Variants in CECR2 observed in about 807,000 individuals in gnomAD.
The protein encoded by CECR2 is CECR2 histone acetyl-lysine reader.
Under a neutral mutation model 154.5 loss-of-function variants are expected in CECR2, and 30 were observed. The observed-to-expected ratio is 0.19, with a 90% CI of 0.15 to 0.26. The LOEUF (loss-of-function observed/expected upper bound fraction) is 0.26, where lower values mean the gene tolerates loss of function less well. Ranked by LOEUF, CECR2 falls within the 10% of genes least tolerant of loss-of-function variation. The pLI is 1.00. For missense variants in CECR2, 1,743 were observed against 1,829.3 expected (o/e 0.95, Z 0.86); for synonymous variants, 725 against 683.7 (o/e 1.06, Z -0.94).
intron 2 of CECR2, among the ~76,000 whole-genome samples, chr22:17,488,638 T>C (rs2055468222): frequency 6.6e-6 from 1 of 152,196 alleles, no homozygotes; most frequent in Admixed American, 6.5e-5. Context: ...CAGTGGTTTA[T>C]TCCTTTGAGG....
At chr22:17,453,127 G>A (rs891516675) in intron 1 of CECR2, among the ~76,000 whole-genome samples, 4 of 152,174 alleles carry the variant, frequency 2.6e-5, no homozygotes, top group African/African-American at 9.7e-5. Flanking sequence ...TGTATATTTA[G>A]GTCTTTTCGT....
chr22:17,377,847 T>C (rs963455151), intron 1 of CECR2, among the ~76,000 whole-genome samples: 2 of 152,226 alleles, frequency 1.3e-5, no homozygotes, highest in African/African-American at 4.8e-5. Context: ...AAGGAATGAA[T>C]GATTGGAAAG....
chr22:17,549,243 A>T lies in CECR2; in HGVS notation c.3956A>T (p.Tyr1319Phe), dbSNP rs749594416. Residue 1319 changes from tyrosine to phenylalanine, a missense_variant, in exon 17 of 19, where the codon TAT (tyrosine) becomes TTT (phenylalanine). By Grantham distance (22) the Tyr-to-Phe change is conservative. Transcript: ENST00000262608. The stretch of plus-strand genomic sequence containing the variant: ...TCGTTGTCAGCCAGCGAGTATCTCT[A>T]TGGAACTCCTCCGCCTCTGAGTTCA... ...QSSLSASEYL[Y>F]GTPPPLSSGM... 1 of 1,614,008 alleles carries T rather than the reference A, an allele frequency of 6.2e-7. No individual in the cohort carries two copies. Among genetic ancestry groups the T allele is most frequent in the East Asian group, 2.2e-5 (1 of 44,884 alleles).
intron 1 of CECR2, among the ~76,000 whole-genome samples, chr22:17,421,913 TCTC>T (rs901928186): frequency 8.0e-5 from 12 of 149,976 alleles, no homozygotes; most frequent in Non-Finnish European, 1.3e-4. Context: ...GGTCTACACA[TCTC>T]CTCAATTGTT....
At chr22:17,543,490 C>T (rs376138773) in intron 16 of CECR2, among the ~76,000 whole-genome samples, 2 of 151,922 alleles carry the variant, frequency 1.3e-5, no homozygotes, top group East Asian at 1.9e-4. Flanking sequence ...TCTCTTGGTC[C>T]GTCGATCCCA....
At position 17,465,242 on chromosome 22, in the gene CECR2, C is replaced by T. The variant is rs1043861002; in HGVS notation, c.127-12346C>T. Among the ~76,000 whole-genome samples, 6 of 152,058 alleles carry T rather than the reference C, an allele frequency of 3.9e-5. No homozygotes were observed. In the East Asian group the frequency reaches 7.8e-4, roughly 20 times the overall value. ...TGATCTCCTGACCTCGTGATCCGCCCGCCTCGGCCTCCCAAAGTGCCGGGA... is the reference window on the plus strand; with the variant it reads ...TGATCTCCTGACCTCGTGATCCGCCTGCCTCGGCCTCCCAAAGTGCCGGGA... On this transcript the variant is annotated intron_variant, in intron 1 of 18. Coordinates refer to ENST00000262608, the MANE Select transcript of CECR2 (RefSeq NM_001290047.2).
At chr22:17,482,895 A>C (rs1381270748) in intron 2 of CECR2, among the ~76,000 whole-genome samples, 1 of 151,610 alleles carries the variant, frequency 6.6e-6, no homozygotes, top group African/African-American at 2.4e-5. Context: ...ATTAGCCAGG[A>C]TGGTCTCGAT....
At chr22:17,361,545 G>A (rs1165865732) in intron 1 of CECR2, among the ~76,000 whole-genome samples, 1 of 151,554 alleles carries the variant, frequency 6.6e-6, no homozygotes, top group Non-Finnish European at 1.5e-5. Context: ...GTAATAGCAA[G>A]GGTGTTGACA....
intron 4 of CECR2, 124 bp downstream of exon 4, chr22:17,499,673 A>G (rs1450375989): frequency 2.1e-6 from 2 of 941,254 alleles, no homozygotes; most frequent in African/African-American, 3.4e-5. Context: ...CATGCCTGCA[A>G]AGAGATGGTA....
intron 1 of CECR2, among the ~76,000 whole-genome samples, chr22:17,427,219 T>C (rs942883513): frequency 3.3e-5 from 5 of 152,202 alleles, no homozygotes; most frequent in Middle Eastern, 3.2e-3. Context: ...TGCATATTAT[T>C]CCATAGTGTA....
intron 1 of CECR2, among the ~76,000 whole-genome samples, chr22:17,375,294 A>T (rs953227217): frequency 6.6e-6 from 1 of 151,694 alleles, no homozygotes; most frequent in African/African-American, 2.4e-5. Flanking sequence ...TTGTGTTTTT[A>T]GTACAGACGG....
At chr22:17,459,145 A>AT (rs1299781900) in intron 1 of CECR2, among the ~76,000 whole-genome samples, 1 of 152,222 alleles carries the variant, frequency 6.6e-6, no homozygotes, top group Non-Finnish European at 1.5e-5. Flanking sequence ...CAAAGGATTG[A>AT]TTTTAGTTGT....
intron 1 of CECR2, among the ~76,000 whole-genome samples, chr22:17,434,644 A>C (rs1181497860): frequency 1.0e-4 from 12 of 118,218 alleles, no homozygotes; most frequent in South Asian, 6.3e-4. Context: ...TTATGCCCGC[A>C]CCCCCCCTGC....
chr22:17,405,026 A>G (rs1343294289), intron 1 of CECR2, among the ~76,000 whole-genome samples: 1 of 152,144 alleles, frequency 6.6e-6, no homozygotes, highest in Non-Finnish European at 1.5e-5. Flanking sequence ...GAAAAGTTTT[A>G]TATTCAAATT....
chr22:17,366,019 G>T (rs1431765010), upstream of CECR2, among the ~76,000 whole-genome samples: 3 of 152,122 alleles, frequency 2.0e-5, no homozygotes, highest in Non-Finnish European at 4.4e-5. Flanking sequence ...GAATTATTGT[G>T]GGATTTTTAA....
At chr22:17,453,629 C>G (rs1170344882) in intron 1 of CECR2, among the ~76,000 whole-genome samples, 1 of 152,116 alleles carries the variant, frequency 6.6e-6, no homozygotes, top group Non-Finnish European at 1.5e-5. Context: ...AAGGATACAT[C>G]AACCCTAAAT....
intron 1 of CECR2, among the ~76,000 whole-genome samples, chr22:17,361,236 C>T (rs2062975312): frequency 6.6e-6 from 1 of 152,064 alleles, no homozygotes; most frequent in Non-Finnish European, 1.5e-5. Flanking sequence ...GTCTATAATC[C>T]CAGCATTTTG....
chr22:17,474,823 G>A (rs2055182626), intron 1 of CECR2, among the ~76,000 whole-genome samples: 2 of 152,098 alleles, frequency 1.3e-5, no homozygotes, highest in South Asian at 4.1e-4. Flanking sequence ...TCTCAAATGT[G>A]GCCTTTGTTA....
intron 1 of CECR2, among the ~76,000 whole-genome samples, chr22:17,410,129 G>A (rs143177349): frequency 7.3e-5 from 11 of 150,852 alleles, no homozygotes; most frequent in Non-Finnish European, 1.0e-4. Flanking sequence ...TTACAGGCAC[G>A]CACCACCACA....
Sources: gnomAD v4.1 joint callset for allele counts (sites outside exome capture counted in the v4.1 genomes callset) on GRCh38, gnomAD v4.1.1 for gene constraint, MANE v1.5 for transcripts, NCBI Gene and HGNC (gene_info 2026-07-23, HGNC 2026-07-21) for gene names.